The following TLE6 variants were observed in gnomAD, a reference collection of about 807,000 sequenced individuals.
TLE6 encodes TLE family member 6, subcortical maternal complex member, also known as transducin-like enhancer protein 6.
In TLE6, 72 loss-of-function variants were observed where a neutral mutation model predicts 77.1. The observed-to-expected ratio is 0.93, with a 90% CI of 0.77 to 1.14. TLE6 has a LOEUF of 1.14. Among genes scored for constraint, TLE6 ranks in the 50% most tolerant of loss-of-function variants. The pLI is 0.00. For missense variants in TLE6, 843 were observed against 747.6 expected, an observed-to-expected ratio of 1.13 and a Z score of -1.49; for synonymous variants, 366 against 287.3, an observed-to-expected ratio of 1.27 and a Z score of -2.77.
chr19:2,983,172 G>A (rs1329155552), intron 5 of TLE6, among the ~76,000 whole-genome samples: 1 of 152,040 alleles, frequency 6.6e-6, no homozygotes, highest in African/African-American at 2.4e-5. Flanking sequence ...AACAGGGTGA[G>A]GGGGGGCCAG....
chr19:2,993,479 C>A lies in TLE6; in HGVS notation c.1434C>A (p.Gly478=). Residue 478 remains glycine (G), a synonymous_variant, in exon 15 of 17, where the codon GGC becomes GGA. Transcript: ENST00000246112. The stretch of plus-strand genomic sequence containing the variant: ...CCCAGGAGGACTGGGTGCTGCTGGG[C>A]ATGGCCAATGGCCAGCAGTGGCTGC... The part of the protein sequence containing the change: ...HSPQEDWVLL[G]MANGQQWLQS... 1 of 1,603,248 alleles carries A rather than the reference C, an allele frequency of 6.2e-7. No homozygotes were observed. The highest frequency in any genetic ancestry group is 8.5e-7 in the Non-Finnish European group (1 of 1,171,852).
In TLE6 at chr19:2,989,589, C is replaced by T; in HGVS notation, c.1048C>T (p.Leu350Phe). ...CLLSSNSRSLLTGGYNLASVS... is the reference protein window; with the variant it reads ...CLLSSNSRSLFTGGYNLASVS... ...GCTGTCCTCAAACAGCAGGAGCCTG[C>T]TCACCGGTGGCTACAACCTGGCCAG... Residue 350 changes from leucine (L) to phenylalanine (F), a missense_variant, in exon 13 of 17, where the codon CTC becomes TTC. By Grantham distance (22) the Leu-to-Phe change is conservative. Coordinates refer to ENST00000246112, the MANE Select transcript of TLE6 (RefSeq NM_001143986.2). The T allele has an allele frequency of 6.2e-7, 1 of 1,613,882 alleles. No homozygotes were observed. Among genetic ancestry groups the T allele is most frequent in the Non-Finnish European group, 8.5e-7 (1 of 1,179,976 alleles).
At chr19:2,980,910 G>T (rs1227908830) in intron 3 of TLE6, among the ~76,000 whole-genome samples, 1 of 151,848 alleles carries the variant, frequency 6.6e-6, no homozygotes, top group African/African-American at 2.4e-5. Context: ...ATCTAGCTGA[G>T]TGTGGTGGTG....
intron 14 of TLE6, among the ~76,000 whole-genome samples, chr19:2,992,206 C>T (rs2089084383): frequency 6.6e-6 from 1 of 152,098 alleles, no homozygotes; most frequent in South Asian, 2.1e-4. Flanking sequence ...GGCGCAGAGG[C>T]TCACACCTGT....
Position 2,989,098 on chromosome 19 carries a change from A to AG in TLE6, c.780dup (p.Pro261AlafsTer60), listed in dbSNP as rs1216596690. 18 of 1,614,142 alleles carry AG rather than the reference A, an allele frequency of 1.1e-5. No individual in the cohort carries two copies. The highest frequency in any genetic ancestry group is 1.5e-5 in the Non-Finnish European group (18 of 1,180,044). On this transcript the variant is annotated frameshift_variant, in exon 12 of 17. Coordinates refer to ENST00000246112, the MANE Select transcript of TLE6 (RefSeq NM_001143986.2). LOFTEE classifies it high-confidence loss of function. ...TGAGGACTTTGAAGATGCATGGAAG[A>AG]GGCCAGATGCCTTGCCCGGGCAGTC...
In TLE6 at chr19:2,987,308, C is replaced by T. The variant is rs779391829; in HGVS notation, c.542-48C>T. The T allele has an allele frequency of 1.9e-6, 3 of 1,614,088 alleles. No individual in the cohort carries two copies. The African/African-American group carries it at 4.0e-5, about 22-fold the overall frequency. On this transcript the variant is annotated intron_variant, in intron 7 of 16. Transcript: ENST00000246112. ...CGTCTCAGGGGCTGTGCAGTGAACC[C>T]TGCTGTTCTCTCTGTCCCCCTCCTC...
In TLE6 at chr19:2,994,805, C is replaced by G. The variant is rs1010386464; in HGVS notation, c.1615-95C>G. The G allele has an allele frequency of 4.0e-5, 28 of 697,814 alleles. No individual in the cohort carries two copies. In the Admixed American group the frequency reaches 6.0e-4, roughly 15 times the overall value. The allele number at this position is 697,814 out of a possible 1,614,324, so 43.2% of individuals were successfully genotyped here. On this transcript the variant is annotated intron_variant, in intron 16 of 16. Coordinates refer to ENST00000246112, the MANE Select transcript of TLE6 (RefSeq NM_001143986.2). ...GGCAACAGAGCAAGACCCTGTCTTT[C>G]TTTGAAGAGACGATGCTTCATGCTT...
chr19:2,991,802 G>C (rs747568821), intron 13 of TLE6, 41 bp from the exon 14 acceptor site: 45 of 1,603,482 alleles, frequency 2.8e-5, no homozygotes, highest in Admixed American at 1.3e-4. Flanking sequence ...CCAAACCTCA[G>C]AGTCTTGACC....
At chr19:2,985,420 T>TTTTTTTTA (rs1331900020) in intron 5 of TLE6, among the ~76,000 whole-genome samples, 4 of 137,884 alleles carry the variant, frequency 2.9e-5, no homozygotes, top group Non-Finnish European at 3.2e-5. Flanking sequence ...TTTTTTTTTT[T>TTTTTTTTA]GAGACAAGTC....
At chr19:2,984,387 C>T (rs1462869308) in intron 5 of TLE6, 1 of 152,082 alleles carries the variant, frequency 6.6e-6, no homozygotes, top group African/African-American at 2.4e-5. Flanking sequence ...CCTCCCGGCC[C>T]CTCCCTCCGC....
intron 16 of TLE6, 84 bp from the exon 17 acceptor site, chr19:2,994,816 C>G (rs439808): frequency 4.0e-6 from 3 of 741,216 alleles, no homozygotes. Flanking sequence ...TTTGAAGAGA[C>G]GATGCTTCAT....
chr19:2,988,019 A>AG (rs1568214357), intron 10 of TLE6, 45 bp downstream of exon 10: 1 of 1,585,342 alleles, frequency 6.3e-7, no homozygotes, highest in Non-Finnish European at 8.6e-7. Context: ...AAGGCTGCCC[A>AG]GGGTGGGGTA....
rs377653947 is a variant in TLE6 at position 2,988,082 on chromosome 19, C to T, written c.703-9C>T. The T allele has an allele frequency of 3.2e-5, 50 of 1,552,652 alleles. No individual in the cohort carries two copies. The highest frequency in any genetic ancestry group is 1.2e-4 in the Admixed American group (6 of 51,048). The stretch of plus-strand genomic sequence containing the variant: ...GGCTGGGGGCAGCTGTGATCTCCCC[C>T]GCCTGCAGGAGCCTCCTGGAAGAGC... On this transcript the variant is annotated splice_polypyrimidine_tract_variant and intron_variant, in intron 10 of 16. Coordinates refer to ENST00000246112, the MANE Select transcript of TLE6 (RefSeq NM_001143986.2).
intron 8 of TLE6, 159 bp downstream of exon 8, chr19:2,987,531 C>G (rs2088943233): frequency 1.7e-6 from 2 of 1,176,096 alleles, no homozygotes; most frequent in Admixed American, 1.9e-5. Context: ...GGAGGCTATA[C>G]TGGAGTAGCC....
intron 5 of TLE6, among the ~76,000 whole-genome samples, chr19:2,983,740 G>T (rs2088847341): frequency 6.6e-6 from 1 of 152,170 alleles, no homozygotes; most frequent in Admixed American, 6.5e-5. Flanking sequence ...GCAGGCCCTG[G>T]CTACTGCGGA....
chr19:2,988,332 C>G (rs1420782181), intron 11 of TLE6, among the ~76,000 whole-genome samples: 9 of 152,114 alleles, frequency 5.9e-5, no homozygotes, highest in Admixed American at 5.9e-4. Context: ...CGCGGTGGCT[C>G]ACGCCTGTAA....
chr19:2,983,440 G>A (rs1421765205), intron 5 of TLE6, among the ~76,000 whole-genome samples: 1 of 152,124 alleles, frequency 6.6e-6, no homozygotes, highest in African/African-American at 2.4e-5. Flanking sequence ...AGGCATGCGA[G>A]AAGGTGACAT....
At chr19:2,991,336 G>C (rs1369987869) in intron 13 of TLE6, among the ~76,000 whole-genome samples, 1 of 134,162 alleles carries the variant, frequency 7.5e-6, no homozygotes, top group African/African-American at 2.8e-5. Flanking sequence ...TCCAGCCTGG[G>C]CAACAAAACG....
chr19:2,982,231 A>T (rs1194869350), intron 5 of TLE6, 42 bp downstream of exon 5: 2 of 1,549,942 alleles, frequency 1.3e-6, no homozygotes, highest in Admixed American at 2.0e-5. Context: ...TCCCTCCATG[A>T]AAGGCATGAG....
Sources: gnomAD v4.1 joint callset for allele counts (sites outside exome capture counted in the v4.1 genomes callset) on GRCh38, gnomAD v4.1.1 for gene constraint, MANE v1.5 for transcripts, NCBI Gene and HGNC (gene_info 2026-07-23, HGNC 2026-07-21) for gene names.